The following GRID2 variants were observed in gnomAD, a reference collection of about 807,000 sequenced individuals.
GRID2 encodes glutamate ionotropic receptor delta type subunit 2, also known as glutamate receptor ionotropic, delta-2.
A neutral mutation model predicts 114.8 loss-of-function variants in GRID2; 33 were observed. The ratio of observed to expected loss-of-function variants is 0.29; its 90% CI spans 0.22 to 0.38. The LOEUF is 0.38. Ranked by LOEUF, GRID2 falls within the 10% of genes least tolerant of loss-of-function variation. The pLI is 1.00. For synonymous variants in GRID2, 505 were observed against 449.9 expected, an observed-to-expected ratio of 1.12 and a Z score of -1.55; for missense variants, 1,184 against 1,257.7, an observed-to-expected ratio of 0.94 and a Z score of 0.89.
chr4:93,547,301 G>T (rs1234479989), intron 13 of GRID2, among the ~76,000 whole-genome samples: 1 of 152,144 alleles, frequency 6.6e-6, no homozygotes, highest in Admixed American at 6.5e-5. Flanking sequence ...TTTCATCTAA[G>T]ATCCTGAGGA....
intron 9 of GRID2, among the ~76,000 whole-genome samples, chr4:93,411,082 C>CA (rs777773334): frequency 3.9e-4 from 60 of 151,920 alleles, no homozygotes; most frequent in Non-Finnish European, 7.6e-4. Context: ...TATTTAATGA[C>CA]AAAAAAACAG....
intron 1 of GRID2, among the ~76,000 whole-genome samples, chr4:92,398,223 C>A (rs1476781460): frequency 6.6e-6 from 1 of 152,114 alleles, no homozygotes; most frequent in Non-Finnish European, 1.5e-5. Context: ...TCAAGATATA[C>A]TTTAACAGGA....
chr4:93,194,418 G>T (rs1164313911), intron 4 of GRID2, among the ~76,000 whole-genome samples: 1 of 152,004 alleles, frequency 6.6e-6, no homozygotes, highest in Non-Finnish European at 1.5e-5. Flanking sequence ...TTTACAATAG[G>T]CTTGAAAATA....
intron 1 of GRID2, among the ~76,000 whole-genome samples, chr4:93,791,985 G>A (rs1393094639): frequency 6.6e-6 from 1 of 152,128 alleles, no homozygotes; most frequent in African/African-American, 2.4e-5. Context: ...GTAAAAGAAT[G>A]TATCTGAAAC....
intron 2 of GRID2, among the ~76,000 whole-genome samples, chr4:93,063,596 G>T (rs531578282): frequency 1.3e-5 from 2 of 151,974 alleles, no homozygotes; most frequent in African/African-American, 4.8e-5. Context: ...TGTAAAAATT[G>T]TGGATGATAG....
chr4:92,335,639 G>C (rs1579198039), intron 1 of GRID2, among the ~76,000 whole-genome samples: 1 of 152,106 alleles, frequency 6.6e-6, no homozygotes, highest in African/African-American at 2.4e-5. Flanking sequence ...ATTAAAGGAA[G>C]TCTAAAGTAT....
At chr4:92,367,910 A>G (rs551700050) in intron 1 of GRID2, among the ~76,000 whole-genome samples, 2 of 150,474 alleles carry the variant, frequency 1.3e-5, no homozygotes, top group East Asian at 3.9e-4. Context: ...CTTGAAAATG[A>G]AAATTGTAGC....
intron 14 of GRID2, among the ~76,000 whole-genome samples, chr4:93,768,432 G>T (rs1029402500): frequency 2.0e-5 from 3 of 152,190 alleles, no homozygotes; most frequent in African/African-American, 7.2e-5. Context: ...ACTTTAAAAA[G>T]CTGCAGTGTG....
intron 2 of GRID2, among the ~76,000 whole-genome samples, chr4:92,840,632 TGGG>T (rs747910598): frequency 2.0e-5 from 3 of 152,032 alleles, no homozygotes; most frequent in Non-Finnish European, 4.4e-5. Context: ...TCTTGTTTCT[TGGG>T]GCATTTTGTA....
chr4:93,734,485 A>G (rs573803920), intron 14 of GRID2, among the ~76,000 whole-genome samples: 6 of 152,204 alleles, frequency 3.9e-5, no homozygotes, highest in African/African-American at 1.2e-4. Context: ...ATTTCATAAC[A>G]TACATAAAAT....
intron 3 of GRID2, among the ~76,000 whole-genome samples, chr4:93,090,037 C>G (rs1730644497): frequency 6.6e-6 from 1 of 152,088 alleles, no homozygotes; most frequent in Non-Finnish European, 1.5e-5. Context: ...ACACAGGAGA[C>G]CTATGGAGAA....
intron 2 of GRID2, among the ~76,000 whole-genome samples, chr4:92,820,832 TTAA>T (rs1284472390): frequency 6.6e-6 from 1 of 152,108 alleles, no homozygotes; most frequent in African/African-American, 2.4e-5. Context: ...CATGTTATAA[TTAA>T]TAATCTTAAA....
intron 1 of GRID2, among the ~76,000 whole-genome samples, chr4:92,495,003 TA>T (rs1395801766): frequency 6.6e-6 from 1 of 151,992 alleles, no homozygotes; most frequent in Non-Finnish European, 1.5e-5. Context: ...GAAAAATTAA[TA>T]AAAATATTAT....
At chr4:92,938,657 G>A (rs1750851991) in intron 2 of GRID2, among the ~76,000 whole-genome samples, 1 of 146,118 alleles carries the variant, frequency 6.8e-6, no homozygotes, top group African/African-American at 2.4e-5. Flanking sequence ...TTGGCGTGCT[G>A]AATCCATTAA....
intron 9 of GRID2, among the ~76,000 whole-genome samples, chr4:93,406,358 A>G (rs1766416264): frequency 6.6e-6 from 1 of 152,168 alleles, no homozygotes; most frequent in Admixed American, 6.5e-5. Flanking sequence ...CCAAAACAGA[A>G]CTTGTCAGCC....
chr4:93,223,577 T>G (rs1301020395), intron 6 of GRID2, among the ~76,000 whole-genome samples: 1 of 152,194 alleles, frequency 6.6e-6, no homozygotes, highest in Admixed American at 6.5e-5. Context: ...GTCTCCTGTA[T>G]GTTTTTAGGA....
intron 14 of GRID2, among the ~76,000 whole-genome samples, chr4:93,655,658 T>C (rs1722933942): frequency 6.6e-6 from 1 of 152,168 alleles, no homozygotes; most frequent in Non-Finnish European, 1.5e-5. Flanking sequence ...TAAGGATGAC[T>C]CTTTTATTTC....
intron 8 of GRID2, among the ~76,000 whole-genome samples, chr4:93,368,261 C>G (rs935726961): frequency 2.6e-5 from 4 of 152,008 alleles, no homozygotes; most frequent in Admixed American, 2.6e-4. Flanking sequence ...AAAAAAGTAT[C>G]TAGAAAATCA....
At chr4:92,841,130 G>T (rs1397150264) in intron 2 of GRID2, among the ~76,000 whole-genome samples, 7 of 151,914 alleles carry the variant, frequency 4.6e-5, no homozygotes, top group Admixed American at 4.6e-4. Context: ...TTTAATCTAG[G>T]CTGTACTAGT....
Sources: allele counts gnomAD v4.1 joint callset (sites outside exome capture counted in the v4.1 genomes callset), GRCh38; gene constraint gnomAD v4.1.1; transcripts MANE v1.5; gene names NCBI Gene and HGNC (gene_info 2026-07-23, HGNC 2026-07-21).